The following LTA4H variants were observed in gnomAD, a reference collection of about 807,000 sequenced individuals.
LTA4H encodes the protein leukotriene A-4 hydrolase.
In LTA4H, 59 loss-of-function variants were observed where a neutral mutation model predicts 89.8. The ratio of observed to expected loss-of-function variants is 0.66; its 90% CI spans 0.53 to 0.82. LTA4H has a LOEUF of 0.82. LTA4H is among the 40% of genes least tolerant of loss of function. The pLI, the probability that LTA4H is intolerant of heterozygous loss-of-function variation, is 0.00. For missense variants in LTA4H, 617 were observed against 727.0 expected, an observed-to-expected ratio of 0.85 and a Z score of 1.74; for synonymous variants, 227 against 253.1, an observed-to-expected ratio of 0.90 and a Z score of 0.98.
At chr12:96,041,151 C>T (rs1950683590) in intron 1 of LTA4H, among the ~76,000 whole-genome samples, 2 of 151,804 alleles carry the variant, frequency 1.3e-5, no homozygotes, top group Non-Finnish European at 2.9e-5. Flanking sequence ...TTTAAATAAC[C>T]AGTTATTCAC....
chr12:96,041,710 C>T (rs566871201), intron 1 of LTA4H, among the ~76,000 whole-genome samples: 15 of 152,298 alleles, frequency 9.8e-5, no homozygotes, highest in African/African-American at 2.2e-4. Flanking sequence ...GGCACAATCT[C>T]GGCTCACTGC....
intron 14 of LTA4H, chr12:96,010,906 C>T (rs1950291798): frequency 6.6e-6 from 1 of 152,142 alleles, no homozygotes; most frequent in Non-Finnish European, 1.5e-5. Flanking sequence ...AATACATATA[C>T]AAATGATGAG....
exon 1 of LTA4H, chr12:96,043,359 T>C: frequency 6.5e-7 from 1 of 1,534,866 alleles, no homozygotes; most frequent in Non-Finnish European, 8.7e-7. Context: ...TTTAGAAAGA[T>C]TTCTCTGTGG....
intron 1 of LTA4H, among the ~76,000 whole-genome samples, chr12:96,041,843 G>T (rs369456879): frequency 3.3e-5 from 5 of 151,960 alleles, no homozygotes; most frequent in Admixed American, 1.3e-4. Flanking sequence ...GGGTTTCACC[G>T]TGTTAGCCAG....
chr12:96,016,958 C>G, intron 10 of LTA4H, 86 bp downstream of exon 10: 2 of 878,242 alleles, frequency 2.3e-6, no homozygotes, highest in Non-Finnish European at 1.9e-6. Context: ...ACAAGAGATA[C>G]ACACAAAACA....
rs563144198 is a variant in LTA4H, at chr12:96,041,677, T to G, written c.87+1612A>C. 2.6e-5 allele frequency among the ~76,000 whole-genome samples: 4 copies of G among 152,340 alleles called. No homozygotes were observed. The South Asian group carries it at 8.3e-4, about 32-fold the overall frequency. On this transcript the variant is annotated intron_variant, in intron 1 of 17. Coordinates refer to the LTA4H transcript ENST00000413268. ...TTGTTTTTGAGGCAAAGTCTCTCTG[T>G]GTCGCCCAGGCCGGAGTGCAGTGGC...
chr12:96,021,778 T>A (rs1950456428), intron 5 of LTA4H, among the ~76,000 whole-genome samples: 1 of 152,112 alleles, frequency 6.6e-6, no homozygotes, highest in African/African-American at 2.4e-5. Flanking sequence ...ACTGAGTGCT[T>A]TTTTGGTCTT....
Position 96,029,118 on chromosome 12 carries a change from A to C in LTA4H, c.227T>G (p.Leu76Arg), listed in dbSNP as rs763589276. ...TCCCTTGTAACTTTGTCTTTCTCCA[A>C]GAGCATATTTGACTTCTTGTCCATT... ...VINGQEVKYA[L>R]GERQSYKGSP... The change falls in exon 2 of 19, where the codon CTT becomes CGT. Residue 76 changes from leucine to arginine, a missense_variant. Physicochemically the swap from Leu to Arg is moderately radical, Grantham distance 102 (BLOSUM62 -2). Coordinates refer to ENST00000228740, the MANE Select transcript of LTA4H (RefSeq NM_000895.3). The C allele has an allele frequency of 6.3e-7, 1 of 1,597,072 alleles. No individual in the cohort carries two copies. Among genetic ancestry groups the C allele is most frequent in the Admixed American group, 1.7e-5 (1 of 58,718 alleles).
intron 1 of LTA4H, among the ~76,000 whole-genome samples, chr12:96,034,708 C>A (rs1173611244): frequency 6.6e-6 from 1 of 152,236 alleles, no homozygotes; most frequent in Non-Finnish European, 1.5e-5. Context: ...CCGGCCGGGG[C>A]TGGAAATCCT....
chr12:96,008,982 A>G, intron 15 of LTA4H, 112 bp downstream of exon 15: 1 of 797,112 alleles, frequency 1.3e-6, no homozygotes, highest in Non-Finnish European at 2.1e-6. Flanking sequence ...TGACTTTCAA[A>G]TAGCCTTTCC....
intron 10 of LTA4H, among the ~76,000 whole-genome samples, chr12:96,016,563 T>C (rs1382260472): frequency 7.3e-5 from 11 of 151,346 alleles, no homozygotes; most frequent in African/African-American, 2.7e-4. Flanking sequence ...ATTGCACCAC[T>C]GCACTACAGC....
At chr12:96,002,124 TG>T (rs1950115054) in intron 18 of LTA4H, among the ~76,000 whole-genome samples, 1 of 152,240 alleles carries the variant, frequency 6.6e-6, no homozygotes, top group Non-Finnish European at 1.5e-5. Flanking sequence ...CCCAAAGTGC[TG>T]GGATTACAGG....
intron 14 of LTA4H, chr12:96,011,373 T>C (rs1269137360): frequency 6.6e-6 from 1 of 152,220 alleles, no homozygotes; most frequent in East Asian, 1.9e-4. Context: ...ACTTTTAAAT[T>C]ATTTCTTCCC....
Position 96,022,128 on chromosome 12 carries a change from C to T in LTA4H, c.585+19G>A. ...GTTTACCGCCAATGAAAACAAAAAT[C>T]TAGACCCTAGGATCTTACTTTTTGG... On this transcript the variant is annotated intron_variant, in intron 5 of 18. Coordinates refer to ENST00000228740, the MANE Select transcript of LTA4H (RefSeq NM_000895.3). This position sits in a 1 kb window ranked among gnomAD's most constrained non-coding sequence, Gnocchi z 4.0. 1 of 1,566,944 alleles carries T rather than the reference C, an allele frequency of 6.4e-7. No homozygotes were observed. Among genetic ancestry groups the T allele is most frequent in the Non-Finnish European group, 8.8e-7 (1 of 1,138,394 alleles).
upstream of LTA4H, among the ~76,000 whole-genome samples, chr12:96,036,096 C>G (rs542407755): frequency 2.7e-5 from 4 of 150,506 alleles, no homozygotes; most frequent in East Asian, 4.2e-4. Context: ...CGGGGAGGCA[C>G]AGTAATTGTT....
In LTA4H at chr12:96,022,614, G is replaced by C. The variant is rs1208491270; in HGVS notation, c.481-363C>G. ...CATTCACCCATGCACATTAAGAGCA[G>C]AGTTTTGGTAGAAACTGGATTAAAA... On this transcript the variant is annotated intron_variant, in intron 4 of 18. Coordinates refer to ENST00000228740, the MANE Select transcript of LTA4H (RefSeq NM_000895.3). The surrounding 1 kb of genome is among the most constrained non-coding windows in gnomAD (Gnocchi z 4.0). Among the ~76,000 whole-genome samples, 1 of 152,142 alleles carries C rather than the reference G, an allele frequency of 6.6e-6. No homozygotes were observed. The highest frequency in any genetic ancestry group is 2.1e-4 in the South Asian group (1 of 4,826).
chr12:96,041,734 C>G (rs190769812), intron 1 of LTA4H, among the ~76,000 whole-genome samples: 12 of 151,978 alleles, frequency 7.9e-5, no homozygotes, highest in African/African-American at 2.7e-4. Context: ...CTCCGCCTCC[C>G]GGGTTCACGC....
At chr12:96,021,062 T>G in intron 6 of LTA4H, 23 bp downstream of exon 6, 1 of 1,597,570 alleles carries the variant, frequency 6.3e-7, no homozygotes, top group Non-Finnish European at 8.5e-7. Flanking sequence ...TCCACAAACC[T>G]GAAAATTTTT....
At position 96,042,143 on chromosome 12, in the gene LTA4H, G is replaced by A. The variant is rs533752040; in HGVS notation, c.87+1146C>T. ...GACCACAGGCACAAGCCACTACGCC[G>A]AGCTAATTTTTGTATTTTTAGTTTG... On this transcript the variant is annotated intron_variant, in intron 1 of 17. Coordinates refer to the LTA4H transcript ENST00000413268. Among the ~76,000 whole-genome samples the A allele has an allele frequency of 1.1e-3, 165 of 151,804 alleles. 2 individuals carry two copies. The highest frequency in any genetic ancestry group is 3.4e-3 in the Middle Eastern group (1 of 292).
Sources: allele counts gnomAD v4.1 joint callset (sites outside exome capture counted in the v4.1 genomes callset), GRCh38; gene constraint gnomAD v4.1.1; non-coding constraint Gnocchi (gnomAD v3.1); transcripts MANE v1.5; gene names NCBI Gene and HGNC (gene_info 2026-07-23, HGNC 2026-07-21).